Variants in SSPN observed in about 807,000 individuals in gnomAD.
SSPN encodes the protein sarcospan, also known as K-ras oncogene-associated protein.
Under a neutral mutation model 19.1 loss-of-function variants are expected in SSPN, and 15 were observed. That is an observed-to-expected ratio of 0.78 (90% CI 0.52 to 1.21). The LOEUF (loss-of-function observed/expected upper bound fraction) is 1.21. Among genes scored for constraint, SSPN ranks in the 50% most tolerant of loss-of-function variants. SSPN has a pLI of 0.00. For missense variants in SSPN, 291 were observed against 314.0 expected, an observed-to-expected ratio of 0.93 and a Z score of 0.55; for synonymous variants, 147 against 140.3, an observed-to-expected ratio of 1.05 and a Z score of -0.34.
intron 1 of SSPN, among the ~76,000 whole-genome samples, chr12:26,212,661 A>G (rs1416237574): frequency 6.6e-6 from 1 of 152,084 alleles, no homozygotes; most frequent in South Asian, 2.1e-4. Flanking sequence ...AAAAAAAAGT[A>G]AAATCAGTGA....
At chr12:26,204,629 C>G (rs1347018836) in intron 1 of SSPN, among the ~76,000 whole-genome samples, 2 of 152,182 alleles carry the variant, frequency 1.3e-5, no homozygotes, top group Non-Finnish European at 2.9e-5. Context: ...GGGCACCCCC[C>G]ACCCGCCCTT....
intron 1 of SSPN, among the ~76,000 whole-genome samples, chr12:26,185,526 C>G (rs966280495): frequency 2.0e-5 from 3 of 152,152 alleles, no homozygotes; most frequent in Non-Finnish European, 4.4e-5. Flanking sequence ...CCTCTACCCC[C>G]CTGGGCAGGG....
chr12:26,148,270 T>C (rs972850890), intron 1 of SSPN, among the ~76,000 whole-genome samples: 1 of 152,220 alleles, frequency 6.6e-6, no homozygotes, highest in Non-Finnish European at 1.5e-5. Context: ...ACTAGCTTCT[T>C]CCCGAGATCT....
intron 1 of SSPN, among the ~76,000 whole-genome samples, chr12:26,172,346 G>C (rs553606616): frequency 6.6e-6 from 1 of 152,034 alleles, no homozygotes. Context: ...CGTCACTCCC[G>C]CTCCCTGGAG....
intron 1 of SSPN, among the ~76,000 whole-genome samples, chr12:26,219,567 G>C (rs909065801): frequency 2.0e-4 from 30 of 152,128 alleles, no homozygotes; most frequent in Admixed American, 3.3e-4. Context: ...CACTCTGCAT[G>C]GACAAAAAGA....
At chr12:26,134,260 C>T (rs1172196423) in intron 1 of SSPN, among the ~76,000 whole-genome samples, 1 of 152,138 alleles carries the variant, frequency 6.6e-6, no homozygotes, top group Non-Finnish European at 1.5e-5. Flanking sequence ...ATGTTTTGTT[C>T]CCACTTCCCC....
At chr12:26,140,173 A>C (rs1944450548) in intron 1 of SSPN, among the ~76,000 whole-genome samples, 3 of 152,142 alleles carry the variant, frequency 2.0e-5, no homozygotes, top group Non-Finnish European at 4.4e-5. Flanking sequence ...GTTTTTATGA[A>C]ATAACTGTAT....
At chr12:26,178,455 A>G (rs1944698428) in intron 1 of SSPN, among the ~76,000 whole-genome samples, 2 of 152,286 alleles carry the variant, frequency 1.3e-5, no homozygotes, top group Non-Finnish European at 2.9e-5. Flanking sequence ...GAATAAGGTA[A>G]ATTAAGAAGG....
chr12:26,196,294 C>A (rs1416977062), intron 1 of SSPN, among the ~76,000 whole-genome samples: 1 of 152,244 alleles, frequency 6.6e-6, no homozygotes, highest in Non-Finnish European at 1.5e-5. Context: ...TTTTCCTTAT[C>A]CTGTTACCCA....
intron 1 of SSPN, among the ~76,000 whole-genome samples, chr12:26,173,741 A>C (rs937159502): frequency 1.3e-5 from 2 of 152,204 alleles, no homozygotes; most frequent in Admixed American, 1.3e-4. Flanking sequence ...GTATCTTCAA[A>C]TTTTATATTT....
intron 1 of SSPN, among the ~76,000 whole-genome samples, chr12:26,205,534 A>C (rs1480955751): frequency 6.6e-6 from 1 of 152,184 alleles, no homozygotes; most frequent in Non-Finnish European, 1.5e-5. Context: ...CCTATCTCAC[A>C]TTTAGCTATG....
At chr12:26,221,200 T>G (rs1028169681) in intron 1 of SSPN, among the ~76,000 whole-genome samples, 2 of 152,026 alleles carry the variant, frequency 1.3e-5, no homozygotes, top group African/African-American at 4.8e-5. Flanking sequence ...GCACGTACTA[T>G]TACTCTCTCT....
chr12:26,216,197 A>G (rs760928786), intron 1 of SSPN, among the ~76,000 whole-genome samples: 1 of 152,042 alleles, frequency 6.6e-6, no homozygotes, highest in South Asian at 2.1e-4. Context: ...ATTTCGATAA[A>G]CCCTACACCA....
upstream of SSPN, chr12:26,195,514 G>C: frequency 8.2e-7 from 1 of 1,218,924 alleles, no homozygotes; most frequent in Non-Finnish European, 1.0e-6. Flanking sequence ...CGGGCTCCCC[G>C]TGGCCTTTGG....
At chr12:26,172,879 A>G (rs1421174621) in intron 1 of SSPN, among the ~76,000 whole-genome samples, 2 of 151,402 alleles carry the variant, frequency 1.3e-5, no homozygotes, top group South Asian at 4.2e-4. Context: ...GTCTTTCCCC[A>G]TGAATCATCT....
chr12:26,221,117 C>T (rs774673516), intron 1 of SSPN, among the ~76,000 whole-genome samples: 17 of 152,194 alleles, frequency 1.1e-4, no homozygotes, highest in Non-Finnish European at 2.1e-4. Flanking sequence ...ACATCTTTTG[C>T]CTTTTATTTT....
In SSPN at chr12:26,233,872, G is replaced by A. The variant is rs1485394887; in HGVS notation, c.*2796G>A. On this transcript the variant is annotated 3_prime_UTR_variant, in exon 3 of 3. Coordinates refer to ENST00000242729, the MANE Select transcript of SSPN (RefSeq NM_005086.5). The surrounding 1 kb of genome is among the most constrained non-coding windows in gnomAD (Gnocchi z 4.3). Reference sequence around the variant, plus strand: ...GCCTAAATGTACAGACTTTGTAGCCGAGCCCACTCGATCGGTCTGTGCCTT... The same window carrying A: ...GCCTAAATGTACAGACTTTGTAGCCAAGCCCACTCGATCGGTCTGTGCCTT... The A allele has an allele frequency of 1.3e-5, 2 of 152,158 alleles. No individual in the cohort carries two copies. The highest frequency in any genetic ancestry group is 2.1e-4 in the South Asian group (1 of 4,814). 9.4% of individuals were successfully genotyped at this position (152,158 alleles called of 1,614,324 possible). A position where few individuals can be genotyped will look rare whatever the true frequency, so the allele number is the denominator to read the frequency against.
chr12:26,125,097 A>C, intron 1 of SSPN: 1 of 432,940 alleles, frequency 2.3e-6, no homozygotes, highest in East Asian at 4.7e-5. Context: ...GGAACGTACC[A>C]TCCGCGGTCC....
intron 1 of SSPN, among the ~76,000 whole-genome samples, chr12:26,142,095 A>G (rs954025949): frequency 2.0e-5 from 3 of 152,210 alleles, no homozygotes; most frequent in East Asian, 1.9e-4. Context: ...TATTAAATCA[A>G]CTGCAGGTGA....
Sources: allele counts gnomAD v4.1 joint callset (sites outside exome capture counted in the v4.1 genomes callset), GRCh38; gene constraint gnomAD v4.1.1; non-coding constraint Gnocchi (gnomAD v3.1); transcripts MANE v1.5; gene names NCBI Gene and HGNC (gene_info 2026-07-23, HGNC 2026-07-21).